MEF2C: variants seen among roughly 807,000 people sequenced by gnomAD.
MEF2C encodes myocyte-specific enhancer factor 2C.
In MEF2C, 6 loss-of-function variants were observed where a neutral mutation model predicts 50.5. That is an observed-to-expected ratio of 0.12 (90% CI 0.07 to 0.23). The LOEUF (loss-of-function observed/expected upper bound fraction) is 0.23, where lower values mean the gene tolerates loss of function less well. Ranked by LOEUF, MEF2C falls within the 10% of genes least tolerant of loss-of-function variation. The probability of loss-of-function intolerance (pLI) is 1.00; values close to 1 mark genes in which losing one functional copy is unlikely to be tolerated. For missense variants in MEF2C, 276 were observed against 605.0 expected, an observed-to-expected ratio of 0.46 and a Z score of 5.70; for synonymous variants, 183 against 228.0, an observed-to-expected ratio of 0.80 and a Z score of 1.78.
chr5:88,728,055 A>C (rs1012145659), intron 10 of MEF2C, among the ~76,000 whole-genome samples: 3 of 152,182 alleles, frequency 2.0e-5, no homozygotes, highest in Non-Finnish European at 4.4e-5. Context: ...AGTACATTAT[A>C]AATACATGAA....
chr5:88,815,795 A>G (rs962296119), intron 2 of MEF2C, among the ~76,000 whole-genome samples: 1 of 151,914 alleles, frequency 6.6e-6, no homozygotes, highest in African/African-American at 2.4e-5. Context: ...AACAATTAGC[A>G]TCATGTCTTT....
chr5:88,791,031 C>T (rs1793502072), intron 3 of MEF2C, among the ~76,000 whole-genome samples: 1 of 152,184 alleles, frequency 6.6e-6, no homozygotes, highest in African/African-American at 2.4e-5. Context: ...TTGAATATTT[C>T]ATGACTATAT....
At chr5:88,735,487 T>C (rs760204953) in intron 6 of MEF2C, 1 of 985,196 alleles carries the variant, frequency 1.0e-6, no homozygotes, top group South Asian at 4.7e-5. Context: ...TGATTATAGA[T>C]TATAAGAAAA....
At chr5:88,873,327 A>T (rs1465349041) in intron 1 of MEF2C, among the ~76,000 whole-genome samples, 3 of 152,082 alleles carry the variant, frequency 2.0e-5, no homozygotes, top group Non-Finnish European at 2.9e-5. Context: ...GAACCACATC[A>T]GTTTCTCAAG....
chr5:88,816,247 C>A (rs550451910), intron 2 of MEF2C, among the ~76,000 whole-genome samples: 1 of 152,086 alleles, frequency 6.6e-6, no homozygotes, highest in Non-Finnish European at 1.5e-5. Flanking sequence ...GGAGCAATAT[C>A]TTTCTGGCAG....
At chr5:88,822,800 A>G (rs1809034946) in intron 2 of MEF2C, among the ~76,000 whole-genome samples, 3 of 151,966 alleles carry the variant, frequency 2.0e-5, no homozygotes. Flanking sequence ...GTAACCGAAA[A>G]GTAGGCAAAA....
At position 88,833,582 on chromosome 5, in the gene MEF2C, T is replaced by C. The variant is rs571478289; in HGVS notation, c.-142-9652A>G. Among the ~76,000 whole-genome samples, 4 of 152,228 alleles carry C rather than the reference T, an allele frequency of 2.6e-5. No homozygotes were observed. In the South Asian group the frequency reaches 8.3e-4, roughly 32 times the overall value. Reference sequence around the variant, plus strand: ...CTCTACGTACTCGACTCCAACATGATTGCAATTGAACCTCATCAAAGTAAG... The same window carrying C: ...CTCTACGTACTCGACTCCAACATGACTGCAATTGAACCTCATCAAAGTAAG... On this transcript the variant is annotated intron_variant, in intron 1 of 10. Transcript: ENST00000504921.
intron 1 of MEF2C, among the ~76,000 whole-genome samples, chr5:88,876,298 A>G (rs1831061304): frequency 6.6e-6 from 1 of 151,926 alleles, no homozygotes; most frequent in South Asian, 2.1e-4. Flanking sequence ...CATTCATTCA[A>G]GAGATCTTTG....
intron 3 of MEF2C, among the ~76,000 whole-genome samples, chr5:88,799,855 C>G (rs1797543032): frequency 8.6e-6 from 1 of 116,024 alleles, no homozygotes; most frequent in South Asian, 3.4e-4. Flanking sequence ...TTCCTTCTCT[C>G]TCTCTCTCTC....
At chr5:88,813,442 C>G (rs1803775621) in intron 2 of MEF2C, among the ~76,000 whole-genome samples, 1 of 152,032 alleles carries the variant, frequency 6.6e-6, no homozygotes, top group Non-Finnish European at 1.5e-5. Flanking sequence ...ACTCCACACG[C>G]CTGCCCCCTC....
chr5:88,766,794 T>C (rs2152733743), intron 3 of MEF2C: 1 of 985,390 alleles, frequency 1.0e-6, no homozygotes, highest in Non-Finnish European at 1.2e-6. Context: ...GCAGGAATTA[T>C]TACTATTAGT....
At chr5:88,855,712 TCA>T (rs1457070611) in intron 1 of MEF2C, among the ~76,000 whole-genome samples, 3 of 152,238 alleles carry the variant, frequency 2.0e-5, no homozygotes, top group African/African-American at 7.2e-5. Context: ...CACTTGGCAC[TCA>T]TTCTCTTTCC....
At chr5:88,762,678 C>T (rs1014995536) in intron 3 of MEF2C, among the ~76,000 whole-genome samples, 3 of 151,910 alleles carry the variant, frequency 2.0e-5, no homozygotes, top group Admixed American at 6.6e-5. Flanking sequence ...TCTGATTAAT[C>T]ATAGTTTGTC....
intron 6 of MEF2C, chr5:88,735,330 A>G: frequency 2.0e-5 from 20 of 985,358 alleles, no homozygotes; most frequent in Non-Finnish European, 2.4e-5. Context: ...ACCTTCTAAT[A>G]TATGGATTCA....
At chr5:88,854,045 G>T (rs1218183648) in intron 1 of MEF2C, among the ~76,000 whole-genome samples, 3 of 152,148 alleles carry the variant, frequency 2.0e-5, no homozygotes, top group Non-Finnish European at 4.4e-5. Flanking sequence ...TTAGGAAAGA[G>T]GTGGAAGCAT....
chr5:88,869,276 T>TATATATATATATAC (rs1554050855), intron 1 of MEF2C, among the ~76,000 whole-genome samples: 4 of 101,702 alleles, frequency 3.9e-5, no homozygotes, highest in African/African-American at 1.3e-4. Context: ...TATATATATA[T>TATATATATATATAC]ACATATATAT....
At chr5:88,734,561 G>GTTT (rs1554103551) in intron 6 of MEF2C, 54 of 254,324 alleles carry the variant, frequency 2.1e-4, no homozygotes, top group Middle Eastern at 2.2e-3. Context: ...CTTGAGAAAA[G>GTTT]TTTGTTTTTT....
At chr5:88,889,771 C>G (rs925319907) in intron 1 of MEF2C, among the ~76,000 whole-genome samples, 4 of 151,994 alleles carry the variant, frequency 2.6e-5, no homozygotes, top group African/African-American at 9.7e-5. Flanking sequence ...GTGGCAGTGC[C>G]GGGGTAGTTG....
At position 88,737,261 on chromosome 5, in the gene MEF2C, A is replaced by G. The variant is rs1193741799; in HGVS notation, c.638-5360T>C. ...TGATTGCAAATTGATGACCAAGTAC[A>G]CTATTGAGACAAACTGCTTATCTAC... is the stretch of plus-strand genomic sequence containing the variant. On this transcript the variant is annotated intron_variant, in intron 6 of 10. Transcript: ENST00000504921. 3 of 985,262 alleles carry G rather than the reference A, an allele frequency of 3.0e-6. No individual in the cohort carries two copies. The African/African-American group carries it at 5.2e-5, about 17-fold the overall frequency. The allele number at this position is 985,262 out of a possible 1,614,324, so 61.0% of individuals were successfully genotyped here.
Sources: gnomAD v4.1 joint callset for allele counts (sites outside exome capture counted in the v4.1 genomes callset) on GRCh38, gnomAD v4.1.1 for gene constraint, MANE v1.5 for transcripts, NCBI Gene and HGNC (gene_info 2026-07-23, HGNC 2026-07-21) for gene names.